AUTS2: variants seen among roughly 807,000 people sequenced by gnomAD.
The protein encoded by AUTS2 is activator of transcription and developmental regulator AUTS2.
A neutral mutation model predicts 112.4 loss-of-function variants in AUTS2; 17 were observed. The ratio of observed to expected loss-of-function variants is 0.15; its 90% CI spans 0.10 to 0.23. The LOEUF is 0.23. Among genes scored for constraint, AUTS2 ranks in the 10% least tolerant of loss-of-function variants. The probability of loss-of-function intolerance (pLI) is 1.00; values close to 1 mark genes in which losing one functional copy is unlikely to be tolerated. For missense variants in AUTS2, 1,510 were observed against 1,701.6 expected, an observed-to-expected ratio of 0.89 and a Z score of 1.98; for synonymous variants, 751 against 702.7, an observed-to-expected ratio of 1.07 and a Z score of -1.09.
At chr7:70,746,124 T>C (rs749616171) in intron 6 of AUTS2, among the ~76,000 whole-genome samples, 10 of 151,996 alleles carry the variant, frequency 6.6e-5, no homozygotes, top group Non-Finnish European at 1.5e-4. Context: ...TATTAAAATA[T>C]GAAGAGCAGT....
chr7:69,952,098 A>C (rs561186506), intron 2 of AUTS2, among the ~76,000 whole-genome samples: 1 of 152,088 alleles, frequency 6.6e-6, no homozygotes, highest in Middle Eastern at 3.4e-3. Flanking sequence ...ATTTCTAAGG[A>C]TTGAACCCTT....
chr7:70,720,362 A>G (rs1334315710), intron 6 of AUTS2, among the ~76,000 whole-genome samples: 1 of 151,970 alleles, frequency 6.6e-6, no homozygotes, highest in African/African-American at 2.4e-5. Flanking sequence ...AGTTATCCAC[A>G]CTCGTCTCCA....
At chr7:69,943,495 T>C (rs1323958384) in intron 2 of AUTS2, among the ~76,000 whole-genome samples, 4 of 152,196 alleles carry the variant, frequency 2.6e-5, no homozygotes, top group Non-Finnish European at 5.9e-5. Flanking sequence ...TTGGTATTTG[T>C]ATTTCTAAAT....
chr7:70,278,317 G>A (rs1471167169), intron 4 of AUTS2, among the ~76,000 whole-genome samples: 2 of 152,090 alleles, frequency 1.3e-5, no homozygotes, highest in Admixed American at 6.6e-5. Context: ...AGTGGCTCAC[G>A]CCTATAATCC....
At chr7:70,018,209 C>G (rs1029117175) in intron 2 of AUTS2, among the ~76,000 whole-genome samples, 1 of 148,008 alleles carries the variant, frequency 6.8e-6, no homozygotes, top group Non-Finnish European at 1.5e-5. Flanking sequence ...ATGTAGGACT[C>G]TTTTTTTTTT....
At chr7:69,970,673 T>A (rs913136049) in intron 2 of AUTS2, among the ~76,000 whole-genome samples, 4 of 152,202 alleles carry the variant, frequency 2.6e-5, no homozygotes, top group African/African-American at 9.6e-5. Flanking sequence ...GTTTTGCTGC[T>A]TGTTAATGGT....
intron 3 of AUTS2, 25 bp downstream of exon 3, chr7:70,118,258 A>AG: frequency 6.4e-7 from 1 of 1,557,076 alleles, no homozygotes; most frequent in Non-Finnish European, 8.6e-7. Context: ...AAAAAAAAAA[A>AG]AAAAAAAAAT....
intron 1 of AUTS2, among the ~76,000 whole-genome samples, chr7:69,777,118 A>G (rs1648657208): frequency 6.6e-6 from 1 of 152,226 alleles, no homozygotes; most frequent in Admixed American, 6.5e-5. Context: ...GAACTTTAGA[A>G]GTATATCTTA....
chr7:70,382,245 C>G (rs912161378), intron 4 of AUTS2, among the ~76,000 whole-genome samples: 2 of 152,156 alleles, frequency 1.3e-5, no homozygotes, highest in Non-Finnish European at 2.9e-5. Context: ...CTAAACTCTT[C>G]CAAATTGACT....
At chr7:69,705,102 A>T (rs1461038162) in intron 1 of AUTS2, among the ~76,000 whole-genome samples, 1 of 152,152 alleles carries the variant, frequency 6.6e-6, no homozygotes, top group Non-Finnish European at 1.5e-5. Context: ...CGTCAGCTCA[A>T]GCTCTCTGCC....
chr7:69,812,997 A>G (rs1023057984), intron 1 of AUTS2, among the ~76,000 whole-genome samples: 2 of 152,086 alleles, frequency 1.3e-5, no homozygotes, highest in Non-Finnish European at 2.9e-5. Context: ...CCTCAGTTCA[A>G]AATCCTCCAG....
At chr7:70,136,556 C>G (rs937329112) in intron 4 of AUTS2, among the ~76,000 whole-genome samples, 7 of 152,280 alleles carry the variant, frequency 4.6e-5, no homozygotes, top group African/African-American at 1.2e-4. Context: ...GCACAACTTA[C>G]ATTAGTTCTT....
chr7:70,185,715 C>T (rs1259587421), intron 4 of AUTS2, among the ~76,000 whole-genome samples: 1 of 152,122 alleles, frequency 6.6e-6, no homozygotes, highest in African/African-American at 2.4e-5. Flanking sequence ...AGACTCAAGC[C>T]TATGTAGTTT....
At chr7:70,025,742 T>TGCC in intron 2 of AUTS2, among the ~76,000 whole-genome samples, 1 of 151,000 alleles carries the variant, frequency 6.6e-6, no homozygotes, top group Admixed American at 6.6e-5. Flanking sequence ...AGGCGTGAGC[T>TGCC]GCCATGCCTG....
At chr7:70,517,660 G>A (rs1438883777) in intron 5 of AUTS2, among the ~76,000 whole-genome samples, 1 of 150,184 alleles carries the variant, frequency 6.7e-6, no homozygotes, top group Non-Finnish European at 1.5e-5. Context: ...AATTTGCCCA[G>A]AAACAATTTG....
intron 6 of AUTS2, among the ~76,000 whole-genome samples, chr7:70,743,468 C>CAAAAAAAA (rs35444664): frequency 1.4e-5 from 1 of 71,246 alleles, no homozygotes; most frequent in Non-Finnish European, 2.5e-5. Context: ...GACTCTGTCT[C>CAAAAAAAA]AAAAAAAAAA....
At chr7:70,323,037 T>G (rs1790327707) in intron 4 of AUTS2, among the ~76,000 whole-genome samples, 2 of 152,202 alleles carry the variant, frequency 1.3e-5, no homozygotes, top group African/African-American at 4.8e-5. Flanking sequence ...TTAGAGTGGG[T>G]TCTGAAACTG....
chr7:70,677,007 G>T (rs1807948265), intron 5 of AUTS2, among the ~76,000 whole-genome samples: 1 of 151,992 alleles, frequency 6.6e-6, no homozygotes, highest in African/African-American at 2.4e-5. Flanking sequence ...ATGTAACCTA[G>T]CTTCAACCCC....
intron 2 of AUTS2, among the ~76,000 whole-genome samples, chr7:69,927,597 A>C (rs1796072690): frequency 6.6e-6 from 1 of 152,178 alleles, no homozygotes. Flanking sequence ...GGCTGCGCTC[A>C]GCTTGTGCTA....
Sources: gnomAD v4.1 joint callset for allele counts (sites outside exome capture counted in the v4.1 genomes callset) on GRCh38, gnomAD v4.1.1 for gene constraint, MANE v1.5 for transcripts, NCBI Gene and HGNC (gene_info 2026-07-23, HGNC 2026-07-21) for gene names.